TTYH3: variants seen among roughly 807,000 people sequenced by gnomAD.
The protein encoded by TTYH3 is tweety family member 3, also known as protein tweety homolog 3.
In TTYH3, 23 loss-of-function variants were observed where a neutral mutation model predicts 68.2. The observed-to-expected ratio is 0.34, with a 90% confidence interval of 0.24 to 0.48. The LOEUF (loss-of-function observed/expected upper bound fraction) is 0.48, where lower values mean the gene tolerates loss of function less well. TTYH3 is among the 20% of genes least tolerant of loss of function. The probability of loss-of-function intolerance (pLI) is 0.99; values close to 1 mark genes in which losing one functional copy is unlikely to be tolerated. For missense variants in TTYH3, 768 were observed against 727.7 expected (o/e 1.06, Z -0.64); for synonymous variants, 360 against 332.8 (o/e 1.08, Z -0.89).
In TTYH3 at chr7:2,661,665, C is replaced by T; in HGVS notation, c.1501-3C>T. ...CTGATGCCTCCCCCTTGTCTCCCTC[C>T]AGTACACCTCCAGCATGAGAGCCAA... On this transcript the variant is annotated splice_polypyrimidine_tract_variant and splice_region_variant and intron_variant, in intron 13 of 13. Transcript: ENST00000258796. 2 of 1,612,222 alleles carry T rather than the reference C, an allele frequency of 1.2e-6. No individual in the cohort carries two copies. The highest frequency in any genetic ancestry group is 1.7e-6 in the Non-Finnish European group (2 of 1,179,460).
chr7:2,643,613 A>G (rs1262055656), intron 1 of TTYH3, among the ~76,000 whole-genome samples: 1 of 152,184 alleles, frequency 6.6e-6, no homozygotes, highest in African/African-American at 2.4e-5. Flanking sequence ...GGGCAGTGCC[A>G]TCTGAGGGAC....
chr7:2,636,244 C>T (rs1785653455), intron 1 of TTYH3, among the ~76,000 whole-genome samples: 1 of 152,230 alleles, frequency 6.6e-6, no homozygotes, highest in East Asian at 1.9e-4. Context: ...CCTCCCCACT[C>T]ATCAGAAGGA....
At chr7:2,653,933 T>C (rs1287649158) in intron 9 of TTYH3, among the ~76,000 whole-genome samples, 1 of 152,070 alleles carries the variant, frequency 6.6e-6, no homozygotes, top group African/African-American at 2.4e-5. Context: ...TCTTTGGAGG[T>C]GTTTGGTCCA....
At chr7:2,635,019 G>A (rs992803817) in intron 1 of TTYH3, among the ~76,000 whole-genome samples, 1 of 152,240 alleles carries the variant, frequency 6.6e-6, no homozygotes, top group East Asian at 1.9e-4. Context: ...TCTGGGGTCG[G>A]CTCTGTGCAG....
chr7:2,634,133 T>C (rs1682665406), intron 1 of TTYH3, among the ~76,000 whole-genome samples: 1 of 152,230 alleles, frequency 6.6e-6, no homozygotes, highest in Non-Finnish European at 1.5e-5. Context: ...TAATTCACGA[T>C]GTGGAAACCG....
rs569636023 is a variant in TTYH3 at position 2,636,397 on chromosome 7, G to A, written c.123+4119G>A. Among the ~76,000 whole-genome samples the A allele has an allele frequency of 3.3e-5, 5 of 152,352 alleles. No individual in the cohort carries two copies. The East Asian group carries it at 7.7e-4, about 24-fold the overall frequency. ...CCCTCCAGCTGGGTTCAGTCCAAGA[G>A]CATAGAGCTGTAGGGTGGGTGTCCC... On this transcript the variant is annotated intron_variant, in intron 1 of 13. Transcript: ENST00000258796.
intron 9 of TTYH3, among the ~76,000 whole-genome samples, chr7:2,655,154 G>T (rs10249262): frequency 0.31 from 46,587 of 150,904 alleles, 8,453 homozygotes; most frequent in African/African-American, 0.5. Flanking sequence ...TTTTTTTTTG[G>T]TGTTGTTTTT....
At position 2,646,947 on chromosome 7, in the gene TTYH3, G is replaced by A. The variant is rs764646483; in HGVS notation, c.218G>A (p.Arg73His). Reference protein sequence around the residue: ...FYSFWLCCRRRKSEEHLDADC... With the variant: ...FYSFWLCCRRHKSEEHLDADC... ...TCCTTCTGGCTGTGCTGCCGGCGGC[G>A]CAAGAGCGAGGAGCACCTGGACGCC... The change falls in exon 2 of 14, where the codon CGC (arginine) becomes CAC (histidine). Residue 73 changes from arginine to histidine, a missense_variant. Transcript: ENST00000258796. The A allele has an allele frequency of 1.9e-5, 30 of 1,599,548 alleles. No individual in the cohort carries two copies. In the East Asian group the frequency reaches 4.5e-4, roughly 24 times the overall value.
At chr7:2,642,081 C>T (rs1197514517) in intron 1 of TTYH3, among the ~76,000 whole-genome samples, 2 of 152,220 alleles carry the variant, frequency 1.3e-5, no homozygotes, top group Admixed American at 6.5e-5. Flanking sequence ...TTGCAGCTGG[C>T]CCCATCCAGG....
intron 7 of TTYH3, 35 bp from the exon 8 acceptor site, chr7:2,652,152 G>A (rs1210937690): frequency 1.9e-6 from 3 of 1,605,558 alleles, no homozygotes; most frequent in African/African-American, 2.7e-5. Flanking sequence ...AGGGACAGCT[G>A]TTGCAGCTCA....
intron 13 of TTYH3, among the ~76,000 whole-genome samples, chr7:2,659,751 C>A (rs994709935): frequency 1.5e-4 from 23 of 152,134 alleles, no homozygotes; most frequent in African/African-American, 5.5e-4. Context: ...CAGAGCTGGG[C>A]CTGGGGGGCC....
At chr7:2,651,935 T>G (rs1786190044) in intron 7 of TTYH3, among the ~76,000 whole-genome samples, 1 of 151,950 alleles carries the variant, frequency 6.6e-6, no homozygotes. Context: ...CACACAGACA[T>G]GCACACATAT....
At position 2,660,530 on chromosome 7, in the gene TTYH3, C is replaced by T. The variant is rs1212541166; in HGVS notation, c.1501-1138C>T. The T allele has an allele frequency of 8.1e-6, 8 of 985,272 alleles. No homozygotes were observed. In the African/African-American group the frequency reaches 1.4e-4, roughly 17 times the overall value. The allele number at this position is 985,272 out of a possible 1,614,324, so 61.0% of individuals were successfully genotyped here. A position where few individuals can be genotyped will look rare whatever the true frequency, so the allele number is the denominator to read the frequency against. ...TGCCTGCTTGGGCTCCTTCAGGGGT[C>T]TGCGCGTCTGCCCCGTCCCGTCCAG... On this transcript the variant is annotated intron_variant, in intron 13 of 13. Transcript: ENST00000258796.
chr7:2,650,955 G>A (rs1023430109), intron 7 of TTYH3, among the ~76,000 whole-genome samples: 14 of 151,808 alleles, frequency 9.2e-5, no homozygotes, highest in South Asian at 2.1e-4. Flanking sequence ...GCAGGAGTTG[G>A]CGTCCCTGGT....
chr7:2,649,984 T>G lies in TTYH3; in HGVS notation c.867T>G (p.Ser289Arg). The change falls in exon 7 of 14, where the codon AGT becomes AGG. Residue 289 changes from serine to arginine, a missense_variant. Coordinates refer to ENST00000258796, the MANE Select transcript of TTYH3 (RefSeq NM_025250.3). ...TGGTGGAGGAGTACTCGGTGCTGAG[T>G]GGGGGTGAGTCTGTGTCCACGGCCG... ...TKMVEEYSVLSGDILQYYLAC... is the reference protein window; with the variant it reads ...TKMVEEYSVLRGDILQYYLAC... 1.2e-6 allele frequency: 2 copies of G among 1,613,764 alleles called. No homozygotes were observed. Among genetic ancestry groups the G allele is most frequent in the East Asian group, 2.2e-5 (1 of 44,868 alleles).
At position 2,639,394 on chromosome 7, in the gene TTYH3, G is replaced by A. The variant is rs139795933; in HGVS notation, c.123+7116G>A. The stretch of plus-strand genomic sequence containing the variant: ...AAGAGTGCCCTCCCCCACCTGTTGC[G>A]GTACCCACGATGCTCCCCACAACGG... On this transcript the variant is annotated intron_variant, in intron 1 of 13. Transcript: ENST00000258796. Among the ~76,000 whole-genome samples the A allele has an allele frequency of 1.2e-3, 189 of 152,310 alleles. 1 individual carries two copies. Among genetic ancestry groups the A allele is most frequent in the East Asian group, 0.01 (53 of 5,174 alleles).
At chr7:2,653,035 G>A (rs1457169135) in intron 9 of TTYH3, 25 bp downstream of exon 9, 24 of 1,540,912 alleles carry the variant, frequency 1.6e-5, no homozygotes, top group Non-Finnish European at 1.8e-6. Context: ...GGTAGGCACT[G>A]GGGCAGGCAG....
rs202147266 is a variant in TTYH3 at position 2,656,095 on chromosome 7, C to T, written c.1024C>T (p.Pro342Ser). ...ATCTGCGGTGCGTGCCCCCCAGGAC[C>T]CCCTCCTCCGCGTCCAGGAGGTGCT... ...VPWEQPATKD[P>S]LLRVQEVLNG... The change falls in exon 10 of 14, where the codon CCC becomes TCC. Residue 342 changes from proline (P) to serine (S), a missense_variant. By Grantham distance (74) the Pro-to-Ser change is moderately conservative. Coordinates refer to ENST00000258796, the MANE Select transcript of TTYH3 (RefSeq NM_025250.3). The T allele has an allele frequency of 7.8e-6, 12 of 1,548,374 alleles. No individual in the cohort carries two copies. In the African/African-American group the frequency reaches 1.4e-4, roughly 18 times the overall value.
Position 2,632,228 on chromosome 7 carries a change from T to A in TTYH3, c.73T>A (p.Trp25Arg), listed in dbSNP as rs200607825. The stretch of plus-strand genomic sequence containing the variant: ...CCGGCTGCCCCACTTCGACCTGAGC[T>A]GGGAGGCCACTAGCAGCCAGTTCCG... ...LHRLPHFDLSWEATSSQFRPE... is the reference protein window; with the variant it reads ...LHRLPHFDLSREATSSQFRPE... The change falls in exon 1 of 14, where the codon TGG becomes AGG. Residue 25 changes from tryptophan (W) to arginine (R), a missense_variant. Physicochemically the swap from Trp to Arg is moderately radical, Grantham distance 101. Transcript: ENST00000258796. 180 of 1,584,704 alleles carry A rather than the reference T, an allele frequency of 1.1e-4. 1 individual carries two copies. Among genetic ancestry groups the A allele is most frequent in the Non-Finnish European group, 1.4e-4 (164 of 1,165,208 alleles).
Sources: gnomAD v4.1 joint callset for allele counts (sites outside exome capture counted in the v4.1 genomes callset) on GRCh38, gnomAD v4.1.1 for gene constraint, MANE v1.5 for transcripts, NCBI Gene and HGNC (gene_info 2026-07-23, HGNC 2026-07-21) for gene names.